FIG4: variants seen among roughly 807,000 people sequenced by gnomAD.
The protein encoded by FIG4 is FIG4 phosphoinositide 5-phosphatase, also known as polyphosphoinositide phosphatase.
Under a neutral mutation model 118.6 loss-of-function variants are expected in FIG4, and 112 were observed. The observed-to-expected ratio is 0.94, with a 90% CI of 0.81 to 1.11. The LOEUF is 1.11. Among genes scored for constraint, FIG4 ranks in the 50% least tolerant of loss-of-function variants. The pLI is 0.00. For synonymous variants in FIG4, 369 were observed against 381.2 expected (o/e 0.97, Z 0.37); for missense variants, 969 against 1,111.7 (o/e 0.87, Z 1.83).
chr6:109,796,945 G>A, intron 22 of FIG4, 94 bp downstream of exon 22: 2 of 795,826 alleles, frequency 2.5e-6, no homozygotes, highest in Non-Finnish European at 4.4e-6. Flanking sequence ...ATTCACTCTT[G>A]TCACCAAATT....
chr6:109,776,838 A>G, intron 15 of FIG4, 84 bp from the exon 16 acceptor site: 1 of 1,089,662 alleles, frequency 9.2e-7, no homozygotes, highest in Non-Finnish European at 1.4e-6. Flanking sequence ...CTACTTTTGT[A>G]CCACTATCCT....
intron 22 of FIG4, among the ~76,000 whole-genome samples, chr6:109,819,103 C>G (rs1232439081): frequency 6.6e-6 from 1 of 152,198 alleles, no homozygotes; most frequent in Admixed American, 6.5e-5. Context: ...ATGTGTAGCT[C>G]TCTTCATTAG....
At chr6:109,784,508 G>A (rs1180762680) in intron 16 of FIG4, among the ~76,000 whole-genome samples, 1 of 152,194 alleles carries the variant, frequency 6.6e-6, no homozygotes, top group Non-Finnish European at 1.5e-5. Context: ...ACACAGGTGT[G>A]TACTATACAG....
chr6:109,794,820 T>C (rs1415044304), intron 21 of FIG4, among the ~76,000 whole-genome samples: 1 of 152,204 alleles, frequency 6.6e-6, no homozygotes, highest in East Asian at 1.9e-4. Context: ...CCACCTGGCC[T>C]ATCACAGAAC....
chr6:109,715,317 A>G (rs1775397652), intron 2 of FIG4, 141 bp downstream of exon 2: 1 of 607,486 alleles, frequency 1.6e-6, no homozygotes, highest in Non-Finnish European at 2.9e-6. Context: ...GTTGGCTAGA[A>G]TTTGAATCTC....
At chr6:109,700,092 T>C (rs1056384624) in intron 1 of FIG4, among the ~76,000 whole-genome samples, 11 of 152,192 alleles carry the variant, frequency 7.2e-5, no homozygotes, top group South Asian at 2.1e-4. Context: ...TACTATTGCA[T>C]TAAGGATTAG....
At chr6:109,753,699 G>C (rs2128389360) in intron 10 of FIG4, among the ~76,000 whole-genome samples, 1 of 152,086 alleles carries the variant, frequency 6.6e-6, no homozygotes, top group Admixed American at 6.5e-5. Flanking sequence ...TATTCTCTTT[G>C]AAGCAATTGT....
chr6:109,720,926 C>T (rs1244980564), intron 3 of FIG4, among the ~76,000 whole-genome samples: 2 of 152,138 alleles, frequency 1.3e-5, no homozygotes, highest in Non-Finnish European at 2.9e-5. Context: ...CGTGAGCATC[C>T]ATCACTAAGT....
chr6:109,705,586 C>G (rs1365422659), intron 1 of FIG4, among the ~76,000 whole-genome samples: 1 of 152,116 alleles, frequency 6.6e-6, no homozygotes, highest in Admixed American at 6.5e-5. Flanking sequence ...TTCATGGATT[C>G]TTTGGAAGGA....
chr6:109,738,478 G>C (rs1232252132), intron 7 of FIG4, 25 bp downstream of exon 7: 3 of 1,594,424 alleles, frequency 1.9e-6, no homozygotes, highest in Non-Finnish European at 2.6e-6. Flanking sequence ...GAAAAAGTAA[G>C]ATACATATTA....
chr6:109,715,074 A>G lies in FIG4; in HGVS notation c.67-4A>G, dbSNP rs970200941. 6.6e-7 allele frequency: 1 copy of G among 1,519,756 alleles called. No individual in the cohort carries two copies. Among genetic ancestry groups the G allele is most frequent in the Non-Finnish European group, 9.1e-7 (1 of 1,094,614 alleles). The allele number at this position is 1,519,756 out of a possible 1,614,324, so 94.1% of individuals were successfully genotyped here. A position where few individuals can be genotyped will look rare whatever the true frequency, so the allele number is the denominator to read the frequency against. On this transcript the variant is annotated splice_polypyrimidine_tract_variant and splice_region_variant and intron_variant, in intron 1 of 22. Coordinates refer to ENST00000230124, the MANE Select transcript of FIG4 (RefSeq NM_014845.6). The stretch of plus-strand genomic sequence containing the variant: ...AAACTAATGACATTCCTTTTTATTT[A>G]TAGAGATACTTTCTAGTTGGGAGCA...
At chr6:109,813,549 T>C (rs567252778) in intron 22 of FIG4, among the ~76,000 whole-genome samples, 1 of 152,346 alleles carries the variant, frequency 6.6e-6, no homozygotes, top group Admixed American at 6.5e-5. Flanking sequence ...GCAGGCCAGT[T>C]ATTTTATAGA....
chr6:109,793,638 GTC>G (rs1053237709), intron 21 of FIG4, among the ~76,000 whole-genome samples: 1 of 152,170 alleles, frequency 6.6e-6, no homozygotes, highest in Non-Finnish European at 1.5e-5. Flanking sequence ...TTGTAAATGT[GTC>G]TGTAAAATGT....
chr6:109,741,510 G>A lies in FIG4; in HGVS notation c.842G>A (p.Gly281Asp). ...LIARRSSKFA[G>D]TRFLKRGANC... ...GCTAGAAGATCCAGTAAATTTGCTG[G>A]CACCCGTTTTCTTAAAAGAGGTGCA... The change falls in exon 8 of 23, where the codon GGC (glycine) becomes GAC (aspartate). Residue 281 changes from glycine to aspartate, a missense_variant. Physicochemically the swap from Gly to Asp is moderately conservative, Grantham distance 94. Around this residue, in one of 3 missense-constraint regions of FIG4, gnomAD observed 393 missense variants for 409.4 expected, o/e 0.96. Coordinates refer to ENST00000230124, the MANE Select transcript of FIG4 (RefSeq NM_014845.6). 2 of 1,613,072 alleles carry A rather than the reference G, an allele frequency of 1.2e-6. No individual in the cohort carries two copies. Among genetic ancestry groups the A allele is most frequent in the Non-Finnish European group, 1.7e-6 (2 of 1,179,208 alleles).
intron 1 of FIG4, among the ~76,000 whole-genome samples, chr6:109,706,831 G>A (rs1165522602): frequency 1.3e-5 from 2 of 151,980 alleles, no homozygotes; most frequent in Non-Finnish European, 2.9e-5. Flanking sequence ...CATTTTTTAA[G>A]TCCTCAAGAA....
At chr6:109,720,784 A>G (rs1417763753) in intron 3 of FIG4, among the ~76,000 whole-genome samples, 1 of 152,186 alleles carries the variant, frequency 6.6e-6, no homozygotes, top group Non-Finnish European at 1.5e-5. Context: ...CATGTTTTGA[A>G]TATTACTGAC....
chr6:109,779,316 A>G (rs1032599610), intron 16 of FIG4, among the ~76,000 whole-genome samples: 1 of 152,204 alleles, frequency 6.6e-6, no homozygotes, highest in Non-Finnish European at 1.5e-5. Context: ...TATTAAAAGC[A>G]TAATTTAAAC....
intron 7 of FIG4, among the ~76,000 whole-genome samples, chr6:109,740,361 T>C (rs1280902701): frequency 2.0e-5 from 3 of 152,158 alleles, no homozygotes; most frequent in Admixed American, 1.3e-4. Flanking sequence ...GTTTAATGAA[T>C]TCTGGAACTC....
At chr6:109,704,606 G>GC (rs1214296100) in intron 1 of FIG4, among the ~76,000 whole-genome samples, 1 of 149,230 alleles carries the variant, frequency 6.7e-6, no homozygotes. Context: ...AAGCCAGGAC[G>GC]CAGAGGTTCT....
Sources: gnomAD v4.1 joint callset for allele counts (sites outside exome capture counted in the v4.1 genomes callset) on GRCh38, gnomAD v4.1.1 for gene constraint, gnomAD v4.1.1 regional missense constraint, MANE v1.5 for transcripts, NCBI Gene and HGNC (gene_info 2026-07-23, HGNC 2026-07-21) for gene names.